UBE2E2: variants seen among roughly 807,000 people sequenced by gnomAD.
The protein encoded by UBE2E2 is ubiquitin-conjugating enzyme E2 E2.
In UBE2E2, 6 loss-of-function variants were observed where a neutral mutation model predicts 24.7. The observed-to-expected ratio is 0.24, with a 90% CI of 0.13 to 0.48. UBE2E2 has a LOEUF of 0.48. UBE2E2 is among the 20% of genes least tolerant of loss of function. The pLI, the probability that UBE2E2 is intolerant of heterozygous loss-of-function variation, is 0.99. For missense variants in UBE2E2, 169 were observed against 245.0 expected (o/e 0.69, Z 2.07); for synonymous variants, 104 against 83.6 (o/e 1.24, Z -1.33).
chr3:23,334,517 C>G (rs1478901697), intron 3 of UBE2E2, among the ~76,000 whole-genome samples: 1 of 151,658 alleles, frequency 6.6e-6, no homozygotes, highest in African/African-American at 2.4e-5. Flanking sequence ...TTTTTAATGA[C>G]CAGAAATTCC....
intron 3 of UBE2E2, among the ~76,000 whole-genome samples, chr3:23,257,514 C>T (rs547763608): frequency 0.012 from 39 of 3,228 alleles, 1 homozygote; most frequent in African/African-American, 0.07. Context: ...TTTCCCGTGC[C>T]CCCCCCCCCC....
At chr3:23,380,731 G>C (rs949941404) in intron 3 of UBE2E2, among the ~76,000 whole-genome samples, 2 of 152,094 alleles carry the variant, frequency 1.3e-5, no homozygotes, top group East Asian at 1.9e-4. Context: ...GGCTGGAGGG[G>C]TTCTAAGTCC....
At chr3:23,438,044 T>C (rs1698220794) in intron 3 of UBE2E2, among the ~76,000 whole-genome samples, 1 of 152,200 alleles carries the variant, frequency 6.6e-6, no homozygotes, top group African/African-American at 2.4e-5. Context: ...TAGAGTCAGA[T>C]TAATTCAGCA....
At chr3:23,393,106 G>A (rs866834276) in intron 3 of UBE2E2, among the ~76,000 whole-genome samples, 7 of 152,214 alleles carry the variant, frequency 4.6e-5, no homozygotes, top group African/African-American at 1.4e-4. Flanking sequence ...CATGCGTTCT[G>A]CAAAATGTAT....
At chr3:23,495,558 T>C (rs1427384676) in intron 3 of UBE2E2, among the ~76,000 whole-genome samples, 1 of 152,240 alleles carries the variant, frequency 6.6e-6, no homozygotes, top group African/African-American at 2.4e-5. Flanking sequence ...ACTGAATTTA[T>C]TCATCTACCT....
intron 3 of UBE2E2, among the ~76,000 whole-genome samples, chr3:23,485,531 A>G (rs1317294183): frequency 6.6e-6 from 1 of 152,174 alleles, no homozygotes; most frequent in Non-Finnish European, 1.5e-5. Context: ...CTATTAAAAC[A>G]AAAACAAAAA....
intron 3 of UBE2E2, among the ~76,000 whole-genome samples, chr3:23,408,509 A>C (rs1391617532): frequency 6.6e-6 from 1 of 152,208 alleles, no homozygotes; most frequent in Non-Finnish European, 1.5e-5. Context: ...TAAGTGTGCC[A>C]ACCCTAGGTT....
At chr3:23,325,656 G>C (rs193122183) in intron 3 of UBE2E2, among the ~76,000 whole-genome samples, 2 of 152,098 alleles carry the variant, frequency 1.3e-5, no homozygotes, top group African/African-American at 4.8e-5. Flanking sequence ...CGTCCTCTCC[G>C]GTGTATTTGT....
intron 3 of UBE2E2, among the ~76,000 whole-genome samples, chr3:23,442,194 C>T (rs1239850556): frequency 6.6e-6 from 1 of 152,022 alleles, no homozygotes; most frequent in South Asian, 2.1e-4. Context: ...GACAGGAAAT[C>T]AGGGTGAAGA....
chr3:23,498,312 A>G (rs1223729276), intron 3 of UBE2E2, among the ~76,000 whole-genome samples: 1 of 152,202 alleles, frequency 6.6e-6, no homozygotes, highest in East Asian at 1.9e-4. Flanking sequence ...TGAGGGTAAA[A>G]ATCCAGTTTC....
At chr3:23,456,222 T>C (rs1265518854) in intron 3 of UBE2E2, among the ~76,000 whole-genome samples, 1 of 152,230 alleles carries the variant, frequency 6.6e-6, no homozygotes, top group Non-Finnish European at 1.5e-5. Context: ...TTGCTATTTC[T>C]ACCATCTTTG....
chr3:23,230,528 T>C (rs925141669), intron 3 of UBE2E2, among the ~76,000 whole-genome samples: 1 of 152,196 alleles, frequency 6.6e-6, no homozygotes, highest in Non-Finnish European at 1.5e-5. Context: ...CTCATGCCTA[T>C]AATCCCAGCA....
chr3:23,537,078 AGT>A (rs557491237), intron 5 of UBE2E2, among the ~76,000 whole-genome samples: 60 of 152,326 alleles, frequency 3.9e-4, no homozygotes, highest in Non-Finnish European at 8.7e-4. Flanking sequence ...AGCCACATTA[AGT>A]GAGGACTTAA....
chr3:23,286,149 C>A (rs1698609860), intron 3 of UBE2E2, among the ~76,000 whole-genome samples: 1 of 152,062 alleles, frequency 6.6e-6, no homozygotes, highest in Non-Finnish European at 1.5e-5. Context: ...TTGACTGTTT[C>A]CTTTTTGGTG....
intron 4 of UBE2E2, among the ~76,000 whole-genome samples, chr3:23,506,086 A>T (rs1694449937): frequency 1.3e-5 from 2 of 152,090 alleles, no homozygotes; most frequent in African/African-American, 4.8e-5. Flanking sequence ...GTTTCCCAGA[A>T]TTTTCAGTAA....
intron 3 of UBE2E2, among the ~76,000 whole-genome samples, chr3:23,302,814 G>A (rs1699134494): frequency 1.3e-5 from 2 of 152,260 alleles, no homozygotes; most frequent in East Asian, 1.9e-4. Flanking sequence ...TATCAAAAAC[G>A]GACTGCAGTC....
intron 3 of UBE2E2, among the ~76,000 whole-genome samples, chr3:23,479,275 C>T (rs991413981): frequency 6.6e-6 from 1 of 152,206 alleles, no homozygotes; most frequent in Non-Finnish European, 1.5e-5. Flanking sequence ...CATAGCCAGG[C>T]ATGCCAGCTG....
chr3:23,519,290 A>G (rs1221244506), intron 4 of UBE2E2, among the ~76,000 whole-genome samples: 1 of 151,692 alleles, frequency 6.6e-6, no homozygotes, highest in Non-Finnish European at 1.5e-5. Context: ...ACAAATGCTT[A>G]TACATTATCA....
At chr3:23,588,261 C>T (rs572874262) in intron 5 of UBE2E2, among the ~76,000 whole-genome samples, 39 of 151,932 alleles carry the variant, frequency 2.6e-4, no homozygotes, top group Non-Finnish European at 5.3e-4. Flanking sequence ...TCTAATATAC[C>T]CAAATTCCCA....
Sources: gnomAD v4.1 joint callset for allele counts (sites outside exome capture counted in the v4.1 genomes callset) on GRCh38, gnomAD v4.1.1 for gene constraint, MANE v1.5 for transcripts, NCBI Gene and HGNC (gene_info 2026-07-23, HGNC 2026-07-21) for gene names.